The following DPYSL3 variants were observed in gnomAD, a reference collection of about 807,000 sequenced individuals.
The protein encoded by DPYSL3 is dihydropyrimidinase-related protein 3.
In DPYSL3, 16 loss-of-function variants were observed where a neutral mutation model predicts 66.1. The ratio of observed to expected loss-of-function variants is 0.24; its 90% CI spans 0.16 to 0.37. The LOEUF (loss-of-function observed/expected upper bound fraction) is 0.37. Ranked by LOEUF, DPYSL3 falls within the 10% of genes least tolerant of loss-of-function variation. The pLI, the probability that DPYSL3 is intolerant of heterozygous loss-of-function variation, is 1.00. For synonymous variants in DPYSL3, 338 were observed against 345.1 expected, an observed-to-expected ratio of 0.98 and a Z score of 0.23; for missense variants, 738 against 916.2, an observed-to-expected ratio of 0.81 and a Z score of 2.51.
intron 1 of DPYSL3, among the ~76,000 whole-genome samples, chr5:147,456,956 G>A (rs558423712): frequency 1.3e-5 from 2 of 152,142 alleles, no homozygotes; most frequent in South Asian, 2.1e-4. Context: ...TTCTTCCTGT[G>A]TTTAGCCATC....
chr5:147,487,301 G>A (rs1173345906), intron 1 of DPYSL3, among the ~76,000 whole-genome samples: 1 of 151,866 alleles, frequency 6.6e-6, no homozygotes, highest in Non-Finnish European at 1.5e-5. Flanking sequence ...ATCTTGCATT[G>A]TTCTTCCTTC....
chr5:147,454,887 T>C (rs1304642871), intron 1 of DPYSL3, among the ~76,000 whole-genome samples: 3 of 152,096 alleles, frequency 2.0e-5, no homozygotes, highest in Admixed American at 1.3e-4. Flanking sequence ...TGGCTGGGGG[T>C]GAGGGAGCTC....
intron 1 of DPYSL3, among the ~76,000 whole-genome samples, chr5:147,437,387 C>T (rs1016254968): frequency 3.3e-5 from 5 of 152,232 alleles, no homozygotes; most frequent in African/African-American, 9.6e-5. Context: ...CAGGCAATAG[C>T]TCCCCATCTA....
intron 1 of DPYSL3, among the ~76,000 whole-genome samples, chr5:147,498,181 T>C (rs1486199745): frequency 1.3e-5 from 2 of 152,162 alleles, no homozygotes; most frequent in African/African-American, 2.4e-5. Context: ...AGTGAGAACA[T>C]GTGGTATTTC....
chr5:147,440,543 G>A (rs1021092394), intron 1 of DPYSL3, among the ~76,000 whole-genome samples: 4 of 152,102 alleles, frequency 2.6e-5, no homozygotes, highest in African/African-American at 7.2e-5. Context: ...ATGTCTTCAC[G>A]GCCCACGGCA....
intron 1 of DPYSL3, among the ~76,000 whole-genome samples, chr5:147,437,276 A>T (rs1252943640): frequency 6.6e-6 from 1 of 152,182 alleles, no homozygotes; most frequent in Non-Finnish European, 1.5e-5. Context: ...TCTCAGAAAC[A>T]AGAAACCTTT....
intron 1 of DPYSL3, among the ~76,000 whole-genome samples, chr5:147,455,354 G>T (rs961400507): frequency 6.6e-6 from 1 of 152,098 alleles, no homozygotes; most frequent in East Asian, 1.9e-4. Context: ...TGCAGTCTTC[G>T]CAAGAAAAGT....
intron 6 of DPYSL3, 133 bp downstream of exon 6, chr5:147,412,473 GGA>G: frequency 1.3e-6 from 1 of 787,546 alleles, no homozygotes; most frequent in Non-Finnish European, 2.1e-6. Flanking sequence ...GAGGTACCTT[GGA>G]GCAGGTTCTG....
chr5:147,447,049 T>TTAA (rs1048941285), intron 1 of DPYSL3, among the ~76,000 whole-genome samples: 1 of 152,224 alleles, frequency 6.6e-6, no homozygotes, highest in Non-Finnish European at 1.5e-5. Context: ...TTAGCCAAAT[T>TTAA]ACTTAGTTTC....
chr5:147,487,854 G>A (rs948629819), intron 1 of DPYSL3, among the ~76,000 whole-genome samples: 1 of 151,856 alleles, frequency 6.6e-6, no homozygotes, highest in Non-Finnish European at 1.5e-5. Flanking sequence ...AATCCCTCAC[G>A]CCCATTTTGA....
At chr5:147,466,906 T>C (rs1208122032) in intron 1 of DPYSL3, among the ~76,000 whole-genome samples, 1 of 152,102 alleles carries the variant, frequency 6.6e-6, no homozygotes. Context: ...TAGACACAGA[T>C]TGCACCGAGC....
intron 1 of DPYSL3, among the ~76,000 whole-genome samples, chr5:147,493,326 A>G (rs1271611248): frequency 6.6e-6 from 1 of 152,180 alleles, no homozygotes; most frequent in Non-Finnish European, 1.5e-5. Context: ...TAATTCCAGC[A>G]ATTTGGGAGG....
At chr5:147,447,099 C>A (rs1318981039) in intron 1 of DPYSL3, among the ~76,000 whole-genome samples, 1 of 152,214 alleles carries the variant, frequency 6.6e-6, no homozygotes, top group Non-Finnish European at 1.5e-5. Flanking sequence ...TGGTTAATAA[C>A]TGTAGCTATA....
intron 1 of DPYSL3, among the ~76,000 whole-genome samples, chr5:147,463,890 T>C (rs1195228401): frequency 6.6e-6 from 1 of 152,042 alleles, no homozygotes; most frequent in Non-Finnish European, 1.5e-5. Context: ...TTTACAGAAA[T>C]GAACACATTC....
chr5:147,435,761 G>A (rs1752402683), intron 1 of DPYSL3, among the ~76,000 whole-genome samples: 1 of 152,224 alleles, frequency 6.6e-6, no homozygotes, highest in Admixed American at 6.5e-5. Flanking sequence ...CCTTTAGCAT[G>A]CTGGGTGCCA....
At chr5:147,491,047 G>T (rs1384003587) in intron 1 of DPYSL3, among the ~76,000 whole-genome samples, 1 of 152,212 alleles carries the variant, frequency 6.6e-6, no homozygotes, top group Admixed American at 6.5e-5. Flanking sequence ...GCTCTCTGAA[G>T]AAACTATTTT....
intron 1 of DPYSL3, among the ~76,000 whole-genome samples, chr5:147,504,019 C>T (rs1753651288): frequency 2.0e-5 from 3 of 152,226 alleles, no homozygotes; most frequent in African/African-American, 4.8e-5. Flanking sequence ...AGTGCTCACA[C>T]ACCTAAATGG....
chr5:147,408,490 C>T (rs1263475198), intron 7 of DPYSL3, among the ~76,000 whole-genome samples: 2 of 152,138 alleles, frequency 1.3e-5, no homozygotes, highest in African/African-American at 4.8e-5. Context: ...ATTTAACACT[C>T]CTGAATAGCT....
chr5:147,394,120 G>A lies in DPYSL3; in HGVS notation c.1970C>T (p.Thr657Ile), dbSNP rs1025206541. Reference sequence around the variant, plus strand: ...TGAGCGAACCCCCTCATCCACTTGGGTGCCTACAGTTGGAAATAAATTCCC... The same window carrying A: ...TGAGCGAACCCCCTCATCCACTTGGATGCCTACAGTTGGAAATAAATTCCC... ...LHQSGFSLSG[T>I]QVDEGVRSAS... Residue 657 changes from threonine to isoleucine, a missense_variant, in exon 14 of 14, where the codon ACC (threonine) becomes ATC (isoleucine). By Grantham distance (89) the Thr-to-Ile change is moderately conservative (BLOSUM62 -1). Coordinates refer to ENST00000343218, the MANE Select transcript of DPYSL3 (RefSeq NM_001197294.2). 6.2e-7 allele frequency: 1 copy of A among 1,613,998 alleles called. No homozygotes were observed. Among genetic ancestry groups the A allele is most frequent in the Admixed American group, 1.7e-5 (1 of 60,018 alleles).
Sources: allele counts gnomAD v4.1 joint callset (sites outside exome capture counted in the v4.1 genomes callset), GRCh38; gene constraint gnomAD v4.1.1; transcripts MANE v1.5; gene names NCBI Gene and HGNC (gene_info 2026-07-23, HGNC 2026-07-21).